The following HDAC4 variants were observed in gnomAD, a reference collection of about 807,000 sequenced individuals.
The protein encoded by HDAC4 is histone deacetylase A.
Under a neutral mutation model 135.1 loss-of-function variants are expected in HDAC4, and 16 were observed. The ratio of observed to expected loss-of-function variants is 0.12; its 90% CI spans 0.08 to 0.18. HDAC4 has a LOEUF of 0.18. HDAC4 is among the 10% of genes least tolerant of loss of function. HDAC4 has a pLI of 1.00. For missense variants in HDAC4, 1,143 were observed against 1,511.8 expected (o/e 0.76, Z 4.05); for synonymous variants, 685 against 653.4 (o/e 1.05, Z -0.74).
chr2:239,141,155 T>C lies in HDAC4; in HGVS notation c.866-1359A>G, dbSNP rs1168745027. ...TGGCTTGAGGGAACTGTCATGGGCG[T>C]CTGCATACCAGAGTTAACCCAGCTG... is the stretch of plus-strand genomic sequence containing the variant. On this transcript the variant is annotated intron_variant, in intron 8 of 26. Coordinates refer to ENST00000543185, the MANE Select transcript of HDAC4 (RefSeq NM_001378414.1). This position sits in a 1 kb window ranked among gnomAD's most constrained non-coding sequence, Gnocchi z 4.9. 6.6e-6 allele frequency among the ~76,000 whole-genome samples: 1 copy of C among 152,048 alleles called. No individual in the cohort carries two copies. The highest frequency in any genetic ancestry group is 2.4e-5 in the African/African-American group (1 of 41,388).
chr2:239,229,357 TTCATACC>T (rs2047415609), intron 3 of HDAC4, among the ~76,000 whole-genome samples: 1 of 152,180 alleles, frequency 6.6e-6, no homozygotes, highest in African/African-American at 2.4e-5. Context: ...GTCATGGCTA[TTCATACC>T]GGCCCTCAGG....
intron 2 of HDAC4, among the ~76,000 whole-genome samples, chr2:239,237,589 A>AC (rs1224673428): frequency 6.6e-6 from 1 of 152,086 alleles, no homozygotes; most frequent in East Asian, 1.9e-4. Flanking sequence ...CAAAAAAAAA[A>AC]AAACCCATTT....
At chr2:239,314,594 A>C (rs1264825016) in intron 2 of HDAC4, among the ~76,000 whole-genome samples, 1 of 152,250 alleles carries the variant, frequency 6.6e-6, no homozygotes, top group East Asian at 1.9e-4. Flanking sequence ...AACTTGTAGA[A>C]ACAAAACTGT....
intron 18 of HDAC4, 183 bp downstream of exon 18, chr2:239,089,826 C>G: frequency 1.6e-6 from 1 of 624,624 alleles, no homozygotes; most frequent in Non-Finnish European, 3.0e-6. Context: ...TACCCTATCA[C>G]AAATGTGGGC....
intron 2 of HDAC4, among the ~76,000 whole-genome samples, chr2:239,256,928 A>G (rs564488047): frequency 1.3e-5 from 2 of 152,340 alleles, no homozygotes; most frequent in South Asian, 4.1e-4. Context: ...TAGACCAAGA[A>G]TCCACGTGGG....
intron 6 of HDAC4, among the ~76,000 whole-genome samples, chr2:239,159,683 T>A (rs1164714284): frequency 6.6e-6 from 1 of 151,616 alleles, no homozygotes; most frequent in Non-Finnish European, 1.5e-5. Flanking sequence ...CAGCCCACAC[T>A]CACACTCACC....
chr2:239,358,937 G>T (rs1380626304), intron 1 of HDAC4, among the ~76,000 whole-genome samples: 1 of 152,114 alleles, frequency 6.6e-6, no homozygotes, highest in African/African-American at 2.4e-5. Context: ...AAGTTATCAG[G>T]TGAGTGCATT....
intron 2 of HDAC4, among the ~76,000 whole-genome samples, chr2:239,281,148 AACACACCACTCTACACACAATGT>A (rs1559321886): frequency 8.0e-6 from 1 of 125,022 alleles, no homozygotes; most frequent in Non-Finnish European, 1.7e-5. Flanking sequence ...CTCTACAATG[AACACACCACTCTACACACAATGT>A]ACACACCACT....
chr2:239,111,133 A>G (rs546333497), intron 14 of HDAC4, among the ~76,000 whole-genome samples: 49 of 152,316 alleles, frequency 3.2e-4, no homozygotes, highest in African/African-American at 1.2e-3. Flanking sequence ...CTGGAGCCTC[A>G]GCGTCAACGC....
At chr2:239,184,592 G>C (rs574835995) in intron 4 of HDAC4, among the ~76,000 whole-genome samples, 1 of 142,820 alleles carries the variant, frequency 7.0e-6, no homozygotes, top group Non-Finnish European at 1.5e-5. Flanking sequence ...ATCGGGGGGG[G>C]TCCCTCAGTG....
At chr2:239,208,061 G>T (rs888292507) in intron 3 of HDAC4, among the ~76,000 whole-genome samples, 2 of 151,988 alleles carry the variant, frequency 1.3e-5, no homozygotes, top group Non-Finnish European at 2.9e-5. Flanking sequence ...GGTGGCTCAC[G>T]CCTGTAATCC....
At position 239,144,812 on chromosome 2, in the gene HDAC4, A is replaced by G. The variant is rs530614357; in HGVS notation, c.734-98T>C. 6 of 1,287,288 alleles carry G rather than the reference A, an allele frequency of 4.7e-6. No homozygotes were observed. In the African/African-American group the frequency reaches 5.9e-5, roughly 13 times the overall value. 79.7% of individuals were successfully genotyped at this position (1,287,288 alleles called of 1,614,324 possible). On this transcript the variant is annotated intron_variant, in intron 7 of 26. Coordinates refer to ENST00000543185, the MANE Select transcript of HDAC4 (RefSeq NM_001378414.1). ...TAAAAATACGCACTCTGGTGAGTAA[A>G]TATTTGCTCAACACTGCTGTGTTGC...
intron 4 of HDAC4, among the ~76,000 whole-genome samples, chr2:239,188,224 G>A (rs1463694696): frequency 2.0e-5 from 3 of 152,206 alleles, no homozygotes; most frequent in Non-Finnish European, 4.4e-5. Context: ...CTGTCCTCCA[G>A]GGCCAGCCCA....
intron 22 of HDAC4, among the ~76,000 whole-genome samples, chr2:239,080,020 ACT>A (rs1240584652): frequency 6.6e-6 from 1 of 150,686 alleles, no homozygotes; most frequent in East Asian, 1.9e-4. Flanking sequence ...CTGCACAAGC[ACT>A]GAGAGACATG....
intron 3 of HDAC4, among the ~76,000 whole-genome samples, chr2:239,221,776 T>G (rs537293082): frequency 6.6e-6 from 1 of 152,348 alleles, no homozygotes; most frequent in South Asian, 2.1e-4. Context: ...ATTTTTATAA[T>G]GCACACACAA....
chr2:239,162,331 A>C (rs2042855361), intron 6 of HDAC4: 1 of 456,410 alleles, frequency 2.2e-6, no homozygotes, highest in Non-Finnish European at 4.4e-6. Flanking sequence ...GCCAGGCCCC[A>C]GGCCCACCCT....
At chr2:239,054,942 G>A (rs894262137) in intron 24 of HDAC4, 109 bp from the exon 25 acceptor site, 1 of 808,044 alleles carries the variant, frequency 1.2e-6, no homozygotes, top group Non-Finnish European at 2.2e-6. Context: ...CCCTTGTGGG[G>A]TGCATTTGCC....
At position 239,148,429 on chromosome 2, in the gene HDAC4, T is replaced by C. The variant is rs184235523; in HGVS notation, c.734-3715A>G. The stretch of plus-strand genomic sequence containing the variant: ...CATGAGCAGCAATTCCAGGCCTACT[T>C]GTCCAGCTGAAGAGGAGCTGGACAC... On this transcript the variant is annotated intron_variant, in intron 7 of 26. Coordinates refer to ENST00000543185, the MANE Select transcript of HDAC4 (RefSeq NM_001378414.1). 1.5e-3 allele frequency among the ~76,000 whole-genome samples: 225 copies of C among 152,276 alleles called. 2 individuals carry two copies. The highest frequency in any genetic ancestry group is 5.0e-3 in the African/African-American group (209 of 41,558).
rs12477532 is a variant in HDAC4, at chr2:239,371,646, C to A, written c.-219-18728G>T. 3.4e-3 allele frequency among the ~76,000 whole-genome samples: 512 copies of A among 152,264 alleles called. 10 individuals are homozygous for A. The East Asian group carries it at 0.047, about 14-fold the overall frequency. ...ACAAATACACTCATATAACCTCAAA[C>A]ACACATACGCACGGACTCACTCACA... On this transcript the variant is annotated intron_variant, in intron 1 of 26. Transcript: ENST00000543185.
Sources: allele counts gnomAD v4.1 joint callset (sites outside exome capture counted in the v4.1 genomes callset), GRCh38; gene constraint gnomAD v4.1.1; non-coding constraint Gnocchi (gnomAD v3.1); transcripts MANE v1.5; gene names NCBI Gene and HGNC (gene_info 2026-07-23, HGNC 2026-07-21).